MACROD2: variants seen among roughly 807,000 people sequenced by gnomAD.
The protein encoded by MACROD2 is mono-ADP ribosylhydrolase 2.
Under a neutral mutation model 70.4 loss-of-function variants are expected in MACROD2, and 36 were observed. The ratio of observed to expected loss-of-function variants is 0.51; its 90% CI spans 0.39 to 0.68. The LOEUF is 0.68. Ranked by LOEUF, MACROD2 falls within the 30% of genes least tolerant of loss-of-function variation. MACROD2 has a pLI of 0.00. For synonymous variants in MACROD2, 172 were observed against 178.8 expected, an observed-to-expected ratio of 0.96 and a Z score of 0.30; for missense variants, 496 against 538.4, an observed-to-expected ratio of 0.92 and a Z score of 0.78.
chr20:15,233,716 G>T (rs970602450), intron 6 of MACROD2, among the ~76,000 whole-genome samples: 1 of 151,288 alleles, frequency 6.6e-6, no homozygotes, highest in African/African-American at 2.4e-5. Flanking sequence ...CTCATTTTAC[G>T]ATGGCATTTC....
At chr20:16,031,377 TAAGTGATCTGATTGATCTGACCTTTTTGG>T (rs1348311280) in intron 15 of MACROD2, among the ~76,000 whole-genome samples, 2 of 152,192 alleles carry the variant, frequency 1.3e-5, no homozygotes, top group East Asian at 3.8e-4. Flanking sequence ...TATCATGCTC[TAAGTGATCTGATTGATCTGACCTTTTTGG>T]AAGGAAATTT....
At chr20:15,239,054 C>T (rs192222784) in intron 6 of MACROD2, among the ~76,000 whole-genome samples, 4 of 152,228 alleles carry the variant, frequency 2.6e-5, no homozygotes, top group East Asian at 1.9e-4. Context: ...ATTGAAGACA[C>T]GGACCACAGA....
In MACROD2 at chr20:15,004,538, A is replaced by C. The variant is rs567482105; in HGVS notation, c.419-225402A>C. Among the ~76,000 whole-genome samples, 69 of 152,332 alleles carry C rather than the reference A, an allele frequency of 4.5e-4. 1 individual carries two copies. Among genetic ancestry groups the C allele is most frequent in the African/African-American group, 1.4e-3 (58 of 41,582 alleles). ...GCTATCTATTTATCAATATGCACACAAACACATACATTCATTTACATAGTA... is the reference window on the plus strand; with the variant it reads ...GCTATCTATTTATCAATATGCACACCAACACATACATTCATTTACATAGTA... On this transcript the variant is annotated intron_variant, in intron 5 of 17. Transcript: ENST00000684519.
chr20:15,133,306 T>A (rs1450540277), intron 5 of MACROD2, among the ~76,000 whole-genome samples: 1 of 152,082 alleles, frequency 6.6e-6, no homozygotes, highest in Non-Finnish European at 1.5e-5. Context: ...ATATCAACAT[T>A]AATTTTTCTT....
chr20:14,247,410 A>G (rs961069804), intron 3 of MACROD2, among the ~76,000 whole-genome samples: 1 of 152,222 alleles, frequency 6.6e-6, no homozygotes, highest in African/African-American at 2.4e-5. Context: ...CAGTGTTTAT[A>G]TTCAGAATAT....
chr20:15,322,918 G>T (rs1296096338), intron 6 of MACROD2, among the ~76,000 whole-genome samples: 1 of 144,244 alleles, frequency 6.9e-6, no homozygotes, highest in African/African-American at 2.5e-5. Flanking sequence ...TGGTATCAAG[G>T]AAGGAATTTT....
chr20:14,157,202 A>G (rs932232057), intron 3 of MACROD2, among the ~76,000 whole-genome samples: 6 of 152,142 alleles, frequency 3.9e-5, no homozygotes, highest in African/African-American at 1.2e-4. Flanking sequence ...AGAGCAAGGT[A>G]TAGTAGCGCT....
chr20:14,470,526 C>T (rs950772909), intron 3 of MACROD2, among the ~76,000 whole-genome samples: 8 of 152,238 alleles, frequency 5.3e-5, no homozygotes, highest in Non-Finnish European at 7.4e-5. Flanking sequence ...CGACCATAGC[C>T]GCCCCTACCC....
chr20:15,925,152 A>G (rs2065470231), intron 10 of MACROD2, among the ~76,000 whole-genome samples: 1 of 152,252 alleles, frequency 6.6e-6, no homozygotes, highest in African/African-American at 2.4e-5. Flanking sequence ...GCACAGAACA[A>G]CTAGTAGAAT....
Position 15,041,992 on chromosome 20 carries a change from G to T in MACROD2, c.419-187948G>T, listed in dbSNP as rs183995334. ...TGCCAAGCAGGATTGGAGGAAGCTG[G>T]AGAACTTGAAGCCATTCAGGGACAA... On this transcript the variant is annotated intron_variant, in intron 5 of 17. Transcript: ENST00000684519. Among the ~76,000 whole-genome samples, 4 of 152,270 alleles carry T rather than the reference G, an allele frequency of 2.6e-5. No individual in the cohort carries two copies. The East Asian group carries it at 7.7e-4, about 29-fold the overall frequency.
chr20:15,183,715 CAGT>C (rs1568622267), intron 5 of MACROD2, among the ~76,000 whole-genome samples: 2 of 152,190 alleles, frequency 1.3e-5, no homozygotes, highest in African/African-American at 4.8e-5. Context: ...AAGCCCAAAA[CAGT>C]AGGCAGCATC....
intron 13 of MACROD2, among the ~76,000 whole-genome samples, chr20:15,972,959 C>CAA (rs2147425467): frequency 6.6e-6 from 1 of 151,890 alleles, no homozygotes; most frequent in African/African-American, 2.4e-5. Flanking sequence ...TCTCATATAT[C>CAA]AAGTTCAAAA....
chr20:15,831,107 T>C (rs1458602426), intron 8 of MACROD2, among the ~76,000 whole-genome samples: 1 of 152,182 alleles, frequency 6.6e-6, no homozygotes, highest in Non-Finnish European at 1.5e-5. Context: ...TGAATGCCCT[T>C]TTAAAACATA....
At chr20:15,601,111 G>T (rs192638435) in intron 8 of MACROD2, among the ~76,000 whole-genome samples, 1 of 152,264 alleles carries the variant, frequency 6.6e-6, no homozygotes, top group South Asian at 2.1e-4. Flanking sequence ...ACACAGGAAG[G>T]TAACTCAATT....
At chr20:15,749,482 T>C (rs1393777064) in intron 8 of MACROD2, among the ~76,000 whole-genome samples, 27 of 152,092 alleles carry the variant, frequency 1.8e-4, no homozygotes, top group Admixed American at 1.8e-3. Context: ...AATGGATATG[T>C]ATTGAATTAA....
chr20:15,634,785 T>TA (rs1397690881), intron 8 of MACROD2, among the ~76,000 whole-genome samples: 1 of 152,228 alleles, frequency 6.6e-6, no homozygotes, highest in Non-Finnish European at 1.5e-5. Flanking sequence ...GCTTGAGGGT[T>TA]AAAAATCAAC....
intron 3 of MACROD2, among the ~76,000 whole-genome samples, chr20:14,393,253 A>T (rs34985688): frequency 0.16 from 24,502 of 152,152 alleles, 2,611 homozygotes; most frequent in Non-Finnish European, 0.23. Flanking sequence ...CATGTTAACA[A>T]GAATATTGAT....
intron 9 of MACROD2, among the ~76,000 whole-genome samples, chr20:15,884,391 T>A (rs181997797): frequency 2.3e-4 from 35 of 152,036 alleles, no homozygotes; most frequent in African/African-American, 8.4e-4. Flanking sequence ...TTGCCATCCA[T>A]GTGGGTGGTA....
intron 15 of MACROD2, among the ~76,000 whole-genome samples, chr20:16,021,829 T>TAA (rs1179803312): frequency 6.6e-6 from 1 of 152,224 alleles, no homozygotes; most frequent in Non-Finnish European, 1.5e-5. Flanking sequence ...CAGGGTCTTT[T>TAA]ATACCGCTAT....
Sources: gnomAD v4.1 joint callset for allele counts (sites outside exome capture counted in the v4.1 genomes callset) on GRCh38, gnomAD v4.1.1 for gene constraint, MANE v1.5 for transcripts, NCBI Gene and HGNC (gene_info 2026-07-23, HGNC 2026-07-21) for gene names.